The following THADA variants were observed in gnomAD, a reference collection of about 807,000 sequenced individuals.
The protein encoded by THADA is THADA armadillo repeat containing.
In THADA, 213 loss-of-function variants were observed where a neutral mutation model predicts 219.8. That is an observed-to-expected ratio of 0.97 (90% confidence interval 0.87 to 1.09). The LOEUF (loss-of-function observed/expected upper bound fraction) is 1.09. Ranked by LOEUF, THADA falls within the 50% of genes least tolerant of loss-of-function variation. The pLI, the probability that THADA is intolerant of heterozygous loss-of-function variation, is 0.00. For synonymous variants in THADA, 1,018 were observed against 828.9 expected, an observed-to-expected ratio of 1.23 and a Z score of -3.92; for missense variants, 2,956 against 2,311.3, an observed-to-expected ratio of 1.28 and a Z score of -5.72.
chr2:43,489,660 A>G (rs1223579890), intron 25 of THADA, among the ~76,000 whole-genome samples: 1 of 152,066 alleles, frequency 6.6e-6, no homozygotes, highest in Non-Finnish European at 1.5e-5. Flanking sequence ...TTGTCTTGGC[A>G]CCTTTATTAA....
intron 34 of THADA, among the ~76,000 whole-genome samples, chr2:43,288,391 C>A (rs1472315025): frequency 1.3e-5 from 2 of 152,248 alleles, no homozygotes; most frequent in Non-Finnish European, 2.9e-5. Flanking sequence ...GCACTCCAGC[C>A]TGGGAGACAG....
At chr2:43,520,713 T>TATATATATATACAC (rs1218079783) in intron 22 of THADA, among the ~76,000 whole-genome samples, 3 of 125,050 alleles carry the variant, frequency 2.4e-5, no homozygotes, top group Non-Finnish European at 5.2e-5. Flanking sequence ...TATATATATA[T>TATATATATATACAC]ACACACACAC....
intron 22 of THADA, among the ~76,000 whole-genome samples, chr2:43,518,087 T>C (rs1351062904): frequency 6.6e-6 from 1 of 152,158 alleles, no homozygotes; most frequent in Non-Finnish European, 1.5e-5. Flanking sequence ...TAGCAGATAG[T>C]TTATTATTTT....
chr2:43,592,216 T>C (rs529593752), intron 2 of THADA, 101 bp downstream of exon 2: 3 of 1,048,134 alleles, frequency 2.9e-6, no homozygotes, highest in African/African-American at 3.3e-5. Context: ...TAAGGAAAAA[T>C]ATAAAGAATT....
chr2:43,407,597 AGGGAAT>A (rs1039626163), intron 28 of THADA, among the ~76,000 whole-genome samples: 1 of 152,168 alleles, frequency 6.6e-6, no homozygotes, highest in African/African-American at 2.4e-5. Context: ...CTGTGAGTCA[AGGGAAT>A]GCTCAACATA....
intron 25 of THADA, among the ~76,000 whole-genome samples, chr2:43,495,369 G>T (rs866014463): frequency 6.0e-4 from 91 of 152,028 alleles, no homozygotes; most frequent in African/African-American, 2.0e-3. Context: ...AAAATTATTA[G>T]TATTATGAAA....
At chr2:43,421,657 G>A (rs943237780) in intron 28 of THADA, among the ~76,000 whole-genome samples, 3 of 152,158 alleles carry the variant, frequency 2.0e-5, no homozygotes, top group Non-Finnish European at 4.4e-5. Context: ...TGTGGCTTAA[G>A]CCAACATCTG....
At chr2:43,422,716 T>G (rs1206627306) in intron 28 of THADA, among the ~76,000 whole-genome samples, 1 of 152,200 alleles carries the variant, frequency 6.6e-6, no homozygotes, top group African/African-American at 2.4e-5. Context: ...ATCAATCCAG[T>G]CTTTCAAGGC....
Position 43,586,849 on chromosome 2 carries a change from C to T in THADA, c.451+5G>A, listed in dbSNP as rs775885182. ...AGAAAAAGGACTAGAAAAGTGCAGC[C>T]TTACCCAAGTTAAAGTTCTCCATAC... On this transcript the variant is annotated splice_donor_5th_base_variant and intron_variant, in intron 5 of 37. Transcript: ENST00000405975. 52 of 1,613,514 alleles carry T rather than the reference C, an allele frequency of 3.2e-5. No homozygotes were observed. Among genetic ancestry groups the T allele is most frequent in the Non-Finnish European group, 4.3e-5 (51 of 1,179,756 alleles).
chr2:43,566,727 G>A lies in THADA; in HGVS notation c.2282C>T (p.Ser761Leu). ...TRFSALTILG[S>L]IAEVFHVPEG... ...TGGGACATGAAAAACTTCAGCTATT[G>A]AACCTAAAATGGTTAAAGCTGAAAA... The change falls in exon 15 of 38, where the codon TCA becomes TTA. Residue 761 changes from serine to leucine, a missense_variant. Transcript: ENST00000405975. The A allele has an allele frequency of 6.2e-7, 1 of 1,601,096 alleles. No homozygotes were observed. The highest frequency in any genetic ancestry group is 1.1e-5 in the South Asian group (1 of 87,548).
chr2:43,586,773 G>C (rs367762935), intron 5 of THADA, 39 bp from the exon 6 acceptor site: 1 of 1,610,098 alleles, frequency 6.2e-7, no homozygotes, highest in Non-Finnish European at 8.5e-7. Context: ...GGAGTTTCAC[G>C]ACCAAAATCA....
At chr2:43,544,733 G>C (rs1295525231) in intron 20 of THADA, among the ~76,000 whole-genome samples, 5 of 151,672 alleles carry the variant, frequency 3.3e-5, no homozygotes, top group Admixed American at 3.3e-4. Flanking sequence ...TTTGTATCCT[G>C]AGACTTTGCT....
At chr2:43,266,171 G>A (rs1033439657) in intron 36 of THADA, among the ~76,000 whole-genome samples, 49 of 152,270 alleles carry the variant, frequency 3.2e-4, no homozygotes, top group African/African-American at 1.1e-3. Flanking sequence ...TGAGCTTGCC[G>A]GGAGGCTGAG....
At chr2:43,288,286 C>G (rs1056655604) in intron 34 of THADA, among the ~76,000 whole-genome samples, 1 of 152,120 alleles carries the variant, frequency 6.6e-6, no homozygotes, top group Admixed American at 6.6e-5. Flanking sequence ...GACATGGTGG[C>G]GCGTGCCTGT....
intron 3 of THADA, among the ~76,000 whole-genome samples, chr2:43,591,455 C>T (rs571567422): frequency 1.3e-5 from 2 of 152,096 alleles, no homozygotes. Context: ...TCCCTCTTTA[C>T]CCTCCAGACC....
chr2:43,512,982 G>A (rs1690687338), intron 22 of THADA, among the ~76,000 whole-genome samples: 2 of 152,314 alleles, frequency 1.3e-5, no homozygotes, highest in Admixed American at 1.3e-4. Flanking sequence ...ACAGATGAGA[G>A]GGAATATATC....
At chr2:43,447,108 A>G (rs766207326) in intron 26 of THADA, among the ~76,000 whole-genome samples, 16 of 152,160 alleles carry the variant, frequency 1.1e-4, no homozygotes, top group Non-Finnish European at 2.2e-4. Context: ...ATGGTGGAAG[A>G]CACCTCTTCA....
At chr2:43,286,833 C>CT (rs34002981) in intron 35 of THADA, 75 bp downstream of exon 35, 26 of 1,545,162 alleles carry the variant, frequency 1.7e-5, no homozygotes, top group East Asian at 1.6e-4. Flanking sequence ...TTCACCTTCC[C>CT]TTTTTTTAGG....
chr2:43,561,567 A>G (rs1471635182), intron 15 of THADA, among the ~76,000 whole-genome samples: 1 of 152,228 alleles, frequency 6.6e-6, no homozygotes, highest in Non-Finnish European at 1.5e-5. Context: ...AAACATTATT[A>G]TGCTTAGTTA....
Sources: gnomAD v4.1 joint callset for allele counts (sites outside exome capture counted in the v4.1 genomes callset) on GRCh38, gnomAD v4.1.1 for gene constraint, MANE v1.5 for transcripts, NCBI Gene and HGNC (gene_info 2026-07-23, HGNC 2026-07-21) for gene names.